The following SLC8A1 variants were observed in gnomAD, a reference collection of about 807,000 sequenced individuals.
SLC8A1 encodes the protein sodium/calcium exchanger 1.
Under a neutral mutation model 68.3 loss-of-function variants are expected in SLC8A1, and 18 were observed. The ratio of observed to expected loss-of-function variants is 0.26; its 90% CI spans 0.18 to 0.39. The LOEUF is 0.39. Ranked by LOEUF, SLC8A1 falls within the 10% of genes least tolerant of loss-of-function variation. The pLI, the probability that SLC8A1 is intolerant of heterozygous loss-of-function variation, is 1.00. For synonymous variants in SLC8A1, 475 were observed against 415.5 expected, an observed-to-expected ratio of 1.14 and a Z score of -1.74; for missense variants, 985 against 1,156.7, an observed-to-expected ratio of 0.85 and a Z score of 2.15.
intron 2 of SLC8A1, among the ~76,000 whole-genome samples, chr2:40,248,968 G>C (rs999585886): frequency 1.4e-4 from 22 of 152,120 alleles, no homozygotes; most frequent in Non-Finnish European, 4.4e-5. Context: ...ATCACCAGGG[G>C]CAGAATAAGT....
intron 1 of SLC8A1, among the ~76,000 whole-genome samples, chr2:40,510,295 C>T (rs1706636145): frequency 6.6e-6 from 1 of 152,088 alleles, no homozygotes; most frequent in South Asian, 2.1e-4. Context: ...AATTTTCTTC[C>T]ACAAATGTTG....
At chr2:40,174,758 A>G in intron 4 of SLC8A1, 38 bp from the exon 6 acceptor site, 1 of 1,575,132 alleles carries the variant, frequency 6.3e-7, no homozygotes, top group Admixed American at 1.7e-5. Context: ...AATTTTTTTT[A>G]ATGTAATAAC....
intron 7 of SLC8A1, among the ~76,000 whole-genome samples, chr2:40,124,770 A>G: frequency 6.6e-6 from 1 of 152,364 alleles, no homozygotes; most frequent in East Asian, 1.9e-4. Flanking sequence ...TTTAGAAAAA[A>G]TAAATTGCAA....
At chr2:40,392,284 A>G (rs558810105) in intron 2 of SLC8A1, among the ~76,000 whole-genome samples, 22 of 152,204 alleles carry the variant, frequency 1.4e-4, no homozygotes, top group South Asian at 4.1e-4. Flanking sequence ...AAGAAAACCT[A>G]AAGATCTTTA....
At chr2:40,429,288 C>T (rs1697692156) in exon 2 of SLC8A1, 1 of 1,613,810 alleles carries the variant, frequency 6.2e-7, no homozygotes, top group Non-Finnish European at 8.5e-7. Flanking sequence ...GCTTAAGTTC[C>T]TTCAGAATCC....
intron 1 of SLC8A1, among the ~76,000 whole-genome samples, chr2:40,459,653 AT>A (rs1305664082): frequency 6.6e-6 from 1 of 152,194 alleles, no homozygotes; most frequent in Non-Finnish European, 1.5e-5. Context: ...ATAGCATCTT[AT>A]TAGTGCACCT....
At chr2:40,448,265 G>T (rs1323336153) in intron 1 of SLC8A1, among the ~76,000 whole-genome samples, 2 of 152,198 alleles carry the variant, frequency 1.3e-5, no homozygotes, top group Non-Finnish European at 2.9e-5. Context: ...GAAGGTGACA[G>T]AGTGGGGAGG....
At chr2:40,419,416 C>T (rs1050073549) in intron 2 of SLC8A1, among the ~76,000 whole-genome samples, 1 of 152,096 alleles carries the variant, frequency 6.6e-6, no homozygotes, top group Non-Finnish European at 1.5e-5. Context: ...ATTTTAGTCA[C>T]AGCAGAAATC....
At chr2:40,259,695 T>C (rs373255582) in intron 2 of SLC8A1, among the ~76,000 whole-genome samples, 25 of 152,226 alleles carry the variant, frequency 1.6e-4, no homozygotes, top group South Asian at 1.5e-3. Flanking sequence ...TTTCTTAGGG[T>C]TTGGAGGTTG....
At chr2:40,367,433 T>G (rs1163682110) in intron 2 of SLC8A1, among the ~76,000 whole-genome samples, 1 of 152,026 alleles carries the variant, frequency 6.6e-6, no homozygotes, top group Non-Finnish European at 1.5e-5. Flanking sequence ...CACACATCCC[T>G]TTTTTCCCCG....
chr2:40,138,091 A>T (rs1251316345), intron 7 of SLC8A1, among the ~76,000 whole-genome samples: 2 of 152,086 alleles, frequency 1.3e-5, no homozygotes, highest in Non-Finnish European at 2.9e-5. Context: ...ATTTGCAGGT[A>T]TTTTTTTCCA....
chr2:40,367,709 T>C (rs1676711536), intron 2 of SLC8A1, among the ~76,000 whole-genome samples: 2 of 152,088 alleles, frequency 1.3e-5, no homozygotes, highest in South Asian at 4.2e-4. Flanking sequence ...AATCTAATAC[T>C]CAAGCTGTGG....
intron 1 of SLC8A1, among the ~76,000 whole-genome samples, chr2:40,458,610 C>T (rs1703161713): frequency 6.6e-6 from 1 of 152,098 alleles, no homozygotes; most frequent in African/African-American, 2.4e-5. Context: ...CGGTGTTCTG[C>T]CTGGCCACCT....
intron 2 of SLC8A1, among the ~76,000 whole-genome samples, chr2:40,270,407 T>C (rs1001509294): frequency 6.6e-6 from 1 of 152,242 alleles, no homozygotes; most frequent in African/African-American, 2.4e-5. Flanking sequence ...TAGGCTAACA[T>C]TGAGGTGCCA....
chr2:40,444,146 C>T (rs376494178), intron 1 of SLC8A1, among the ~76,000 whole-genome samples: 11 of 152,010 alleles, frequency 7.2e-5, no homozygotes, highest in Admixed American at 4.6e-4. Flanking sequence ...CCAGTCTGGG[C>T]AACATAGCAA....
chr2:40,316,961 C>A (rs190891836), intron 2 of SLC8A1, among the ~76,000 whole-genome samples: 1 of 151,922 alleles, frequency 6.6e-6, no homozygotes, highest in East Asian at 1.9e-4. Flanking sequence ...TTATAAATAG[C>A]CCTCCACTCA....
intron 2 of SLC8A1, among the ~76,000 whole-genome samples, chr2:40,345,007 G>C (rs1398201460): frequency 6.7e-6 from 1 of 150,136 alleles, no homozygotes; most frequent in South Asian, 2.1e-4. Context: ...TTGTCTGTTT[G>C]TTTTCAAAAA....
At chr2:40,131,959 T>C (rs925439540) in intron 7 of SLC8A1, among the ~76,000 whole-genome samples, 1 of 149,534 alleles carries the variant, frequency 6.7e-6, no homozygotes, top group African/African-American at 2.5e-5. Flanking sequence ...ATGCTAATAG[T>C]TTACAGGTAT....
At chr2:40,494,640 A>ATATAT (rs1705555684) in intron 1 of SLC8A1, among the ~76,000 whole-genome samples, 1 of 92,694 alleles carries the variant, frequency 1.1e-5, no homozygotes, top group African/African-American at 5.3e-5. Context: ...CTTAAAGTAT[A>ATATAT]ATATATATAT....
Sources: allele counts gnomAD v4.1 joint callset (sites outside exome capture counted in the v4.1 genomes callset), GRCh38; gene constraint gnomAD v4.1.1; transcripts MANE v1.5; gene names NCBI Gene and HGNC (gene_info 2026-07-23, HGNC 2026-07-21).